The following CARMIL1 variants were observed in gnomAD, a reference collection of about 807,000 sequenced individuals.
CARMIL1 encodes F-actin-uncapping protein LRRC16A.
Under a neutral mutation model 177.1 loss-of-function variants are expected in CARMIL1, and 90 were observed. The ratio of observed to expected loss-of-function variants is 0.51; its 90% CI spans 0.43 to 0.61. The LOEUF is 0.61. CARMIL1 is among the 20% of genes least tolerant of loss of function. The pLI is 0.00. For missense variants in CARMIL1, 1,380 were observed against 1,667.0 expected, an observed-to-expected ratio of 0.83 and a Z score of 3.00; for synonymous variants, 577 against 606.2, an observed-to-expected ratio of 0.95 and a Z score of 0.71.
At chr6:25,405,136 G>T (rs1794251219) in intron 2 of CARMIL1, among the ~76,000 whole-genome samples, 1 of 152,194 alleles carries the variant, frequency 6.6e-6, no homozygotes, top group South Asian at 2.1e-4. Context: ...GCTGAATGGA[G>T]TTATTTTAGT....
chr6:25,508,089 T>G (rs770858493), intron 17 of CARMIL1, among the ~76,000 whole-genome samples: 106 of 152,140 alleles, frequency 7.0e-4, no homozygotes, highest in Non-Finnish European at 1.4e-3. Flanking sequence ...TTCTAAAAAT[T>G]TTTACACTCA....
At chr6:25,605,085 A>T (rs1040417) in intron 34 of CARMIL1, among the ~76,000 whole-genome samples, 192 bp downstream of exon 34, 61,454 of 152,030 alleles carry the variant, frequency 0.4, 12,787 homozygotes, top group Non-Finnish European at 0.46. Context: ...ATCCTGCCCC[A>T]CTGTAGCATT....
At chr6:25,381,924 C>G (rs1791589865) in intron 2 of CARMIL1, among the ~76,000 whole-genome samples, 1 of 152,124 alleles carries the variant, frequency 6.6e-6, no homozygotes, top group African/African-American at 2.4e-5. Context: ...CTGGCAACCA[C>G]CAGCCCTCAT....
At chr6:25,302,605 A>AAGCCCGAGCTGCTTTCCTCAGGGGCCC (rs1402224958) in intron 2 of CARMIL1, among the ~76,000 whole-genome samples, 7 of 152,220 alleles carry the variant, frequency 4.6e-5, no homozygotes, top group Non-Finnish European at 7.3e-5. Context: ...TACAAATTTT[A>AAGCCCGAGCTGCTTTCCTCAGGGGCCC]AGCCCGAGCT....
intron 1 of CARMIL1, among the ~76,000 whole-genome samples, chr6:25,281,430 G>A (rs1325057862): frequency 6.6e-6 from 1 of 152,104 alleles, no homozygotes; most frequent in Non-Finnish European, 1.5e-5. Context: ...TTGTCCTTAA[G>A]TCTGGAAATG....
Position 25,581,342 on chromosome 6 carries a change from T to C in CARMIL1, c.2909T>C (p.Phe970Ser). The change falls in exon 31 of 37, where the codon TTT (phenylalanine) becomes TCT (serine). Residue 970 changes from phenylalanine (F) to serine (S), a missense_variant. Transcript: ENST00000329474. ...SLRQEKRSSG[F>S]ISELPSEEGK... ...AGACAGGAGAAGCGGAGCTCGGGATTTATCTCTGAGTTGCCCTCTGAAGAG... is the reference window on the plus strand; with the variant it reads ...AGACAGGAGAAGCGGAGCTCGGGATCTATCTCTGAGTTGCCCTCTGAAGAG... 1 of 1,613,862 alleles carries C rather than the reference T, an allele frequency of 6.2e-7. No homozygotes were observed. Among genetic ancestry groups the C allele is most frequent in the Non-Finnish European group, 8.5e-7 (1 of 1,179,874 alleles).
chr6:25,494,030 T>TA (rs1169441506), intron 15 of CARMIL1, among the ~76,000 whole-genome samples: 6 of 150,266 alleles, frequency 4.0e-5, no homozygotes, highest in Non-Finnish European at 5.9e-5. Context: ...TTTAAAACTT[T>TA]AAAAAAAAAC....
chr6:25,486,695 C>T (rs1444793760), intron 12 of CARMIL1, among the ~76,000 whole-genome samples: 1 of 152,140 alleles, frequency 6.6e-6, no homozygotes, highest in Non-Finnish European at 1.5e-5. Flanking sequence ...CAAATTTCCT[C>T]CTCCTCTACT....
At chr6:25,519,384 G>C (rs1806323607) in intron 22 of CARMIL1, among the ~76,000 whole-genome samples, 1 of 152,180 alleles carries the variant, frequency 6.6e-6, no homozygotes, top group South Asian at 2.1e-4. Context: ...TGGCATTTGT[G>C]GTAGGTGAGC....
At position 25,558,749 on chromosome 6, in the gene CARMIL1, G is replaced by T. The variant is rs1367389570; in HGVS notation, c.2742+1899G>T. Among the ~76,000 whole-genome samples, 1 of 152,168 alleles carries T rather than the reference G, an allele frequency of 6.6e-6. No homozygotes were observed. The highest frequency in any genetic ancestry group is 1.5e-5 in the Non-Finnish European group (1 of 68,032). Reference sequence around the variant, plus strand: ...TTAAAGGGCCAAGGAGGTAAGCAGGGAGGGCCATTCCTGAGATGAGCCTGT... The same window carrying T: ...TTAAAGGGCCAAGGAGGTAAGCAGGTAGGGCCATTCCTGAGATGAGCCTGT... On this transcript the variant is annotated intron_variant, in intron 29 of 36. Transcript: ENST00000329474. This position sits in a 1 kb window ranked among gnomAD's most constrained non-coding sequence, Gnocchi z 4.1.
intron 36 of CARMIL1, among the ~76,000 whole-genome samples, chr6:25,618,516 G>A (rs777260415): frequency 1.4e-4 from 22 of 152,180 alleles, no homozygotes; most frequent in Non-Finnish European, 2.9e-4. Context: ...TACAGCATCC[G>A]AACCTTTTCC....
intron 11 of CARMIL1, among the ~76,000 whole-genome samples, chr6:25,472,927 G>T (rs1174546144): frequency 6.6e-6 from 1 of 152,124 alleles, no homozygotes; most frequent in Non-Finnish European, 1.5e-5. Flanking sequence ...GTCAGCAAGG[G>T]TTGTGCTCTC....
intron 24 of CARMIL1, among the ~76,000 whole-genome samples, chr6:25,536,436 TACA>T (rs1808311142): frequency 6.6e-6 from 1 of 152,154 alleles, no homozygotes; most frequent in Non-Finnish European, 1.5e-5. Context: ...GCAATATTCA[TACA>T]ACTTCTTTTT....
chr6:25,358,363 G>A (rs974816863), intron 2 of CARMIL1, among the ~76,000 whole-genome samples: 3 of 152,156 alleles, frequency 2.0e-5, no homozygotes, highest in Admixed American at 1.3e-4. Context: ...GGTATTACTT[G>A]AATGTGACGC....
At position 25,503,222 on chromosome 6, in the gene CARMIL1, A is replaced by C. The variant is rs370602969; in HGVS notation, c.1395+2987A>C. On this transcript the variant is annotated intron_variant, in intron 17 of 36. Coordinates refer to ENST00000329474, the MANE Select transcript of CARMIL1 (RefSeq NM_017640.6). The stretch of plus-strand genomic sequence containing the variant: ...TATATGATAAATTGATACTGCCGAC[A>C]TGGGGAAGTCTTGAAAGTATTGTAG... Among the ~76,000 whole-genome samples the C allele has an allele frequency of 2.0e-5, 3 of 152,328 alleles. No individual in the cohort carries two copies. In the East Asian group the frequency reaches 5.8e-4, roughly 29 times the overall value.
chr6:25,302,614 C>T (rs1024716106), intron 2 of CARMIL1, among the ~76,000 whole-genome samples: 1 of 152,240 alleles, frequency 6.6e-6, no homozygotes, highest in Non-Finnish European at 1.5e-5. Context: ...TAAGCCCGAG[C>T]TGCTTTCCTC....
At chr6:25,316,515 G>A (rs1427445464) in intron 2 of CARMIL1, among the ~76,000 whole-genome samples, 2 of 151,414 alleles carry the variant, frequency 1.3e-5, no homozygotes, top group Admixed American at 6.6e-5. Flanking sequence ...GGGTTCAAGC[G>A]ATTCTCCTGC....
chr6:25,588,632 T>G (rs1582454850), intron 31 of CARMIL1, among the ~76,000 whole-genome samples: 1 of 152,384 alleles, frequency 6.6e-6, no homozygotes, highest in East Asian at 1.9e-4. Context: ...ACTCATCCAC[T>G]GCCAGTTAGC....
At chr6:25,517,475 A>G (rs894932702) in intron 22 of CARMIL1, 60 bp downstream of exon 22, 1 of 1,315,798 alleles carries the variant, frequency 7.6e-7, no homozygotes, top group Admixed American at 1.7e-5. Flanking sequence ...AATGGTATAT[A>G]TGTTACCTGT....
Sources: gnomAD v4.1 joint callset for allele counts (sites outside exome capture counted in the v4.1 genomes callset) on GRCh38, gnomAD v4.1.1 for gene constraint, Gnocchi (gnomAD v3.1) non-coding constraint, MANE v1.5 for transcripts, NCBI Gene and HGNC (gene_info 2026-07-23, HGNC 2026-07-21) for gene names.